Variants in EZH2 observed in about 807,000 individuals in gnomAD.
EZH2 encodes enhancer of zeste 2 polycomb repressive complex 2 subunit.
EZH2 carries 18 observed loss-of-function variants against 98.4 expected under a neutral mutation model. That is an observed-to-expected ratio of 0.18 (90% CI 0.13 to 0.27). The LOEUF (loss-of-function observed/expected upper bound fraction) is 0.27, where lower values mean the gene tolerates loss of function less well. EZH2 is among the 10% of genes least tolerant of loss of function. The pLI is 1.00. For synonymous variants in EZH2, 338 were observed against 312.3 expected, an observed-to-expected ratio of 1.08 and a Z score of -0.87; for missense variants, 470 against 935.1, an observed-to-expected ratio of 0.50 and a Z score of 6.49.
At chr7:148,850,907 A>C (rs1191557502) in intron 1 of EZH2, among the ~76,000 whole-genome samples, 1 of 152,218 alleles carries the variant, frequency 6.6e-6, no homozygotes, top group African/African-American at 2.4e-5. Context: ...TGGTAAAATG[A>C]ACAATTATAA....
Position 148,807,836 on chromosome 7 carries a change from A to C in EZH2, c.2196-130T>G, listed in dbSNP as rs200320558. The stretch of plus-strand genomic sequence containing the variant: ...CTTTAAAAAAAAAAAAAAAAAAAAA[A>C]CCCATCCAATTACACAGCTGCCTGC... On this transcript the variant is annotated intron_variant, in intron 19 of 19. Transcript: ENST00000320356. 4,561 of 572,578 alleles carry C rather than the reference A, an allele frequency of 8.0e-3. 306 individuals are homozygous for C. The East Asian group carries it at 0.11, about 14-fold the overall frequency. The allele number at this position is 572,578 out of a possible 1,614,324, so 35.5% of individuals were successfully genotyped here. A position where few individuals can be genotyped will look rare whatever the true frequency, so the allele number is the denominator to read the frequency against.
chr7:148,815,660 A>T, intron 12 of EZH2, 114 bp from the exon 13 acceptor site: 1 of 927,826 alleles, frequency 1.1e-6, no homozygotes, highest in Non-Finnish European at 1.8e-6. Flanking sequence ...GTTAAAGCCA[A>T]GAGTCATGCC....
chr7:148,811,145 CT>C (rs1802955566), intron 16 of EZH2, among the ~76,000 whole-genome samples: 1 of 152,096 alleles, frequency 6.6e-6, no homozygotes, highest in Non-Finnish European at 1.5e-5. Context: ...TTTTGTTTTG[CT>C]TTTTTTCCCC....
chr7:148,832,881 A>G (rs1246889674), intron 3 of EZH2, 131 bp from the exon 4 acceptor site: 1 of 501,522 alleles, frequency 2.0e-6, no homozygotes, highest in African/African-American at 1.9e-5. Context: ...CTAGGACAGT[A>G]AAGTGGTCAT....
At chr7:148,877,311 G>A (rs1820306146) in intron 1 of EZH2, among the ~76,000 whole-genome samples, 1 of 152,146 alleles carries the variant, frequency 6.6e-6, no homozygotes, top group East Asian at 1.9e-4. Flanking sequence ...TTAATCAACA[G>A]ACATTTCTAA....
intron 8 of EZH2, among the ~76,000 whole-genome samples, chr7:148,826,165 A>G (rs1807639248): frequency 6.6e-6 from 1 of 152,182 alleles, no homozygotes; most frequent in Non-Finnish European, 1.5e-5. Flanking sequence ...GTTCATAATA[A>G]TAGTTTTATT....
At chr7:148,818,308 G>C (rs905823908) in intron 9 of EZH2, among the ~76,000 whole-genome samples, 191 bp from the exon 10 acceptor site, 5 of 152,110 alleles carry the variant, frequency 3.3e-5, no homozygotes, top group Admixed American at 6.6e-5. Flanking sequence ...TTCAGAAAGA[G>C]AAATATGGGT....
At chr7:148,843,026 G>C (rs376280926) in intron 3 of EZH2, among the ~76,000 whole-genome samples, 10 of 152,020 alleles carry the variant, frequency 6.6e-5, no homozygotes, top group African/African-American at 2.4e-4. Flanking sequence ...TGACCAAAAT[G>C]ATGAAACCCC....
chr7:148,814,768 T>C (rs1300114493), intron 14 of EZH2, 146 bp downstream of exon 14: 8 of 985,222 alleles, frequency 8.1e-6, no homozygotes, highest in Non-Finnish European at 1.4e-6. Context: ...GGGCCAGGTA[T>C]GGGGCTCAAT....
At chr7:148,811,517 G>A (rs1218722465) in intron 16 of EZH2, 108 bp downstream of exon 16, 31 of 844,276 alleles carry the variant, frequency 3.7e-5, no homozygotes, top group Non-Finnish European at 2.8e-5. Flanking sequence ...GCAGTTTATG[G>A]CAATTCATTT....
In EZH2 at chr7:148,884,201, T is replaced by TCGCCCCCGCGCGCCGCCGCCGC. The variant is rs1563087837; in HGVS notation, c.-67_-46dup. The TCGCCCCCGCGCGCCGCCGCCGC allele has an allele frequency of 3.6e-5, 6 of 167,762 alleles. No individual in the cohort carries two copies. The highest frequency in any genetic ancestry group is 1.5e-4 in the African/African-American group (6 of 41,194). 10.4% of individuals were successfully genotyped at this position (167,762 alleles called of 1,614,324 possible). A position where few individuals can be genotyped will look rare whatever the true frequency, so the allele number is the denominator to read the frequency against. ...CGCCGACTCGCGTTGTTCCCGCGCG[T>TCGCCCCCGCGCGCCGCCGCCGC]CGCCCCCGCGCGCCGCCGCCGCCGC... On this transcript the variant is annotated 5_prime_UTR_variant, in exon 1 of 20. Transcript: ENST00000320356.
At chr7:148,849,054 AAAT>A (rs1421598087) in intron 1 of EZH2, among the ~76,000 whole-genome samples, 1 of 152,198 alleles carries the variant, frequency 6.6e-6, no homozygotes, top group Non-Finnish European at 1.5e-5. Context: ...ATTGTTTAGA[AAAT>A]AATGACAAGC....
chr7:148,828,542 A>T (rs1808411054), intron 6 of EZH2, among the ~76,000 whole-genome samples, 198 bp downstream of exon 6: 1 of 152,068 alleles, frequency 6.6e-6, no homozygotes, highest in African/African-American at 2.4e-5. Context: ...TGCCCACCTT[A>T]GCCTCCCAAG....
chr7:148,871,722 A>G (rs1585291572), intron 1 of EZH2, among the ~76,000 whole-genome samples: 1 of 151,952 alleles, frequency 6.6e-6, no homozygotes, highest in South Asian at 2.1e-4. Flanking sequence ...CTACAGGCGC[A>G]TGCCACCACA....
intron 1 of EZH2, among the ~76,000 whole-genome samples, chr7:148,881,865 C>A (rs1330137817): frequency 6.6e-6 from 1 of 150,470 alleles, no homozygotes; most frequent in Non-Finnish European, 1.5e-5. Context: ...ACCCGGGAGG[C>A]AGAGATTGTA....
chr7:148,816,845 T>G (rs948872917), intron 11 of EZH2, 67 bp from the exon 12 acceptor site: 1 of 1,113,628 alleles, frequency 9.0e-7, no homozygotes, highest in Non-Finnish European at 1.4e-6. Flanking sequence ...CTTATACTCA[T>G]GCATACCAGA....
At chr7:148,815,630 T>G (rs1394915273) in intron 12 of EZH2, 84 bp from the exon 13 acceptor site, 1 of 1,210,386 alleles carries the variant, frequency 8.3e-7, no homozygotes, top group African/African-American at 1.5e-5. Flanking sequence ...GATCTATCTG[T>G]GCCATGAATA....
intron 8 of EZH2, among the ~76,000 whole-genome samples, chr7:148,821,966 C>T (rs1284034384): frequency 6.6e-6 from 1 of 152,180 alleles, no homozygotes; most frequent in Admixed American, 6.5e-5. Context: ...AACCCAAATA[C>T]ATATGGCAAC....
chr7:148,819,777 G>C lies in EZH2; in HGVS notation c.908-90C>G, dbSNP rs984038070. 4.4e-6 allele frequency: 5 copies of C among 1,129,542 alleles called. No individual in the cohort carries two copies. In the African/African-American group the frequency reaches 7.9e-5, roughly 18 times the overall value. The allele number at this position is 1,129,542 out of a possible 1,614,324, so 70.0% of individuals were successfully genotyped here. A position where few individuals can be genotyped will look rare whatever the true frequency, so the allele number is the denominator to read the frequency against. The stretch of plus-strand genomic sequence containing the variant: ...GTTCCACTGGAAAAGTCAATTAATG[G>C]ATTATAATCTTGCTAATATGTGGTT... On this transcript the variant is annotated intron_variant, in intron 8 of 19. Coordinates refer to ENST00000320356, the MANE Select transcript of EZH2 (RefSeq NM_004456.5).
Sources: allele counts gnomAD v4.1 joint callset (sites outside exome capture counted in the v4.1 genomes callset), GRCh38; gene constraint gnomAD v4.1.1; transcripts MANE v1.5; gene names NCBI Gene and HGNC (gene_info 2026-07-23, HGNC 2026-07-21).